Variants in KATNA1 observed in about 807,000 individuals in gnomAD.
KATNA1 encodes katanin catalytic subunit A1.
KATNA1 carries 42 observed loss-of-function variants against 62.6 expected under a neutral mutation model. The observed-to-expected ratio is 0.67, with a 90% confidence interval of 0.52 to 0.87. The LOEUF (loss-of-function observed/expected upper bound fraction) is 0.87. Ranked by LOEUF, KATNA1 falls within the 40% of genes least tolerant of loss-of-function variation. The pLI is 0.00. For missense variants in KATNA1, 498 were observed against 612.5 expected, an observed-to-expected ratio of 0.81 and a Z score of 1.97; for synonymous variants, 186 against 201.9, an observed-to-expected ratio of 0.92 and a Z score of 0.67.
Position 149,595,053 on chromosome 6 carries a change from CAA to C in KATNA1, c.1457_1458del (p.Phe486Ter). The C allele has an allele frequency of 6.2e-7, 1 of 1,613,820 alleles. No individual in the cohort carries two copies. Among genetic ancestry groups the C allele is most frequent in the Non-Finnish European group, 8.5e-7 (1 of 1,179,838 alleles). On this transcript the variant is annotated frameshift_variant, in exon 11 of 11. Coordinates refer to ENST00000367411, the MANE Select transcript of KATNA1 (RefSeq NM_007044.4). LOFTEE classifies it high-confidence loss of function. ...ADIERYEKWI[F>X]EFGSC is the part of the protein sequence containing the mutation. Reference sequence around the variant, plus strand: ...GTGAGAATTTAGCATGATCCAAACTCAAATATCCATTTCTCGTATCTTTCAAT... The same window carrying C: ...GTGAGAATTTAGCATGATCCAAACTCATATCCATTTCTCGTATCTTTCAAT...
At chr6:149,598,201 C>G (rs111295637) in intron 8 of KATNA1, 23 bp downstream of exon 8, 1 of 1,612,650 alleles carries the variant, frequency 6.2e-7, no homozygotes, top group Non-Finnish European at 8.5e-7. Context: ...CGTCCCTGTT[C>G]AACTCAAGCT....
chr6:149,642,844 C>G (rs1452169029), intron 1 of KATNA1, among the ~76,000 whole-genome samples: 5 of 151,988 alleles, frequency 3.3e-5, no homozygotes, highest in Non-Finnish European at 7.4e-5. Context: ...TTGCTTATGA[C>G]AAGTAGGAGA....
At chr6:149,626,352 T>C (rs1486784801) in intron 3 of KATNA1, among the ~76,000 whole-genome samples, 2 of 132,246 alleles carry the variant, frequency 1.5e-5, no homozygotes, top group East Asian at 2.9e-4. Context: ...GGGAGTGCTG[T>C]GGCGCGATCT....
intron 3 of KATNA1, among the ~76,000 whole-genome samples, chr6:149,627,916 G>C (rs1779680311): frequency 1.3e-5 from 2 of 152,040 alleles, no homozygotes; most frequent in South Asian, 4.1e-4. Context: ...TAAGAACTTA[G>C]GTTCCAGAGG....
chr6:149,600,935 A>T (rs901281129), intron 7 of KATNA1, among the ~76,000 whole-genome samples: 3 of 151,424 alleles, frequency 2.0e-5, no homozygotes, highest in African/African-American at 7.4e-5. Context: ...CTGAGAACCC[A>T]TTTCAAAAAA....
intron 3 of KATNA1, among the ~76,000 whole-genome samples, chr6:149,630,458 G>A (rs530672875): frequency 6.6e-6 from 1 of 152,082 alleles, no homozygotes; most frequent in South Asian, 2.1e-4. Context: ...GTGAAACCCC[G>A]TCTCTACTAA....
At chr6:149,615,132 C>CAAAAAAA (rs893824279) in intron 4 of KATNA1, among the ~76,000 whole-genome samples, 1 of 45,646 alleles carries the variant, frequency 2.2e-5, no homozygotes, top group Non-Finnish European at 4.2e-5. Flanking sequence ...GACTCTGTCT[C>CAAAAAAA]AAAAAAAAAA....
rs768282143 is a variant in KATNA1, at chr6:149,597,153, C to T, written c.1187G>A (p.Arg396His). 8.1e-6 allele frequency: 13 copies of T among 1,613,904 alleles called. No individual in the cohort carries two copies. Among genetic ancestry groups the T allele is most frequent in the South Asian group, 3.3e-5 (3 of 91,076 alleles). ...AACATCATCAGCCAATTCCAACTCA[C>T]GTAGACTTATTCGTAATAGCTCCTC... ...GREELLRISLRELELADDVDL... is the reference protein window; with the variant it reads ...GREELLRISLHELELADDVDL... The change falls in exon 10 of 11, where the codon CGT becomes CAT. Residue 396 changes from arginine (R) to histidine (H), a missense_variant. Coordinates refer to ENST00000367411, the MANE Select transcript of KATNA1 (RefSeq NM_007044.4).
intron 7 of KATNA1, 137 bp from the exon 8 acceptor site, chr6:149,598,487 G>A: frequency 1.3e-6 from 1 of 772,970 alleles, no homozygotes; most frequent in Non-Finnish European, 2.0e-6. Context: ...CACTGGGAGG[G>A]TGAGGCAGGA....
intron 4 of KATNA1, among the ~76,000 whole-genome samples, chr6:149,617,520 GGC>G (rs1427752616): frequency 1.3e-5 from 2 of 152,172 alleles, no homozygotes; most frequent in Non-Finnish European, 2.9e-5. Context: ...ATAAAACACT[GGC>G]CAGGCGCAGT....
At position 149,601,992 on chromosome 6, in the gene KATNA1, G is replaced by A. The variant is rs73781278; in HGVS notation, c.730-240C>T. ...TGAGAAAAAGTAGTTTATAATATCAGCACCCTAACAGAGGTACCATTAGCA... is the reference window on the plus strand; with the variant it reads ...TGAGAAAAAGTAGTTTATAATATCAACACCCTAACAGAGGTACCATTAGCA... On this transcript the variant is annotated intron_variant, in intron 6 of 10. Coordinates refer to ENST00000367411, the MANE Select transcript of KATNA1 (RefSeq NM_007044.4). Among the ~76,000 whole-genome samples the A allele has an allele frequency of 3.6e-3, 545 of 152,242 alleles. 3 individuals are homozygous for A. The highest frequency in any genetic ancestry group is 0.013 in the African/African-American group (520 of 41,538).
chr6:149,647,862 A>G (rs1214078578), intron 1 of KATNA1, among the ~76,000 whole-genome samples: 1 of 152,192 alleles, frequency 6.6e-6, no homozygotes, highest in African/African-American at 2.4e-5. Flanking sequence ...ATTAAATAAG[A>G]GCTTGAGATT....
intron 3 of KATNA1, among the ~76,000 whole-genome samples, chr6:149,630,346 C>T (rs1408261437): frequency 6.6e-6 from 1 of 152,126 alleles, no homozygotes; most frequent in Non-Finnish European, 1.5e-5. Flanking sequence ...ATAAAAGTTG[C>T]GGCTGGGTGC....
At chr6:149,601,936 A>C in intron 6 of KATNA1, 184 bp from the exon 7 acceptor site, 1 of 450,646 alleles carries the variant, frequency 2.2e-6, no homozygotes, top group Non-Finnish European at 3.8e-6. Context: ...AAAGAAGATA[A>C]CCACATTATG....
chr6:149,614,278 G>A (rs1490342779), intron 4 of KATNA1, among the ~76,000 whole-genome samples: 1 of 152,186 alleles, frequency 6.6e-6, no homozygotes, highest in East Asian at 1.9e-4. Context: ...TGACCTTGCA[G>A]TCACAGGGGC....
intron 1 of KATNA1, among the ~76,000 whole-genome samples, chr6:149,641,026 A>G (rs1386436646): frequency 1.3e-5 from 2 of 151,220 alleles, no homozygotes; most frequent in African/African-American, 4.9e-5. Flanking sequence ...ATGTGCCAAC[A>G]CGCCTGGCTA....
chr6:149,623,459 A>G (rs1318844533), intron 3 of KATNA1, among the ~76,000 whole-genome samples, 176 bp from the exon 4 acceptor site: 1 of 152,142 alleles, frequency 6.6e-6, no homozygotes, highest in Admixed American at 6.6e-5. Context: ...AATCTGGGCA[A>G]GGCGCGGTGG....
chr6:149,612,516 A>C (rs1453750940), intron 4 of KATNA1, among the ~76,000 whole-genome samples: 2 of 152,168 alleles, frequency 1.3e-5, no homozygotes, highest in Non-Finnish European at 2.9e-5. Context: ...CTCAAAAAAA[A>C]TTTTTAAAAA....
intron 3 of KATNA1, among the ~76,000 whole-genome samples, chr6:149,626,456 G>A (rs867926277): frequency 1.4e-5 from 2 of 147,960 alleles, no homozygotes; most frequent in African/African-American, 5.0e-5. Flanking sequence ...CACTGCGCCC[G>A]GCTAATTTTT....
Sources: gnomAD v4.1 joint callset for allele counts (sites outside exome capture counted in the v4.1 genomes callset) on GRCh38, gnomAD v4.1.1 for gene constraint, MANE v1.5 for transcripts, NCBI Gene and HGNC (gene_info 2026-07-23, HGNC 2026-07-21) for gene names.